Variants in TYW1B observed in about 807,000 individuals in gnomAD.
TYW1B encodes the protein S-adenosyl-L-methionine-dependent tRNA 4-demethylwyosine synthase TYW1B.
In TYW1B, 73 loss-of-function variants were observed where a neutral mutation model predicts 86.9. That is an observed-to-expected ratio of 0.84 (90% CI 0.70 to 1.02). TYW1B has a LOEUF of 1.02. TYW1B is among the 50% of genes least tolerant of loss of function. The pLI, the probability that TYW1B is intolerant of heterozygous loss-of-function variation, is 0.00. For synonymous variants in TYW1B, 248 were observed against 292.8 expected (o/e 0.85, Z 1.56); for missense variants, 637 against 827.4 (o/e 0.77, Z 2.82).
At chr7:72,681,801 G>C (rs1439930228) in intron 11 of TYW1B, among the ~76,000 whole-genome samples, 18 of 151,502 alleles carry the variant, frequency 1.2e-4, no homozygotes, top group Admixed American at 9.9e-4. Flanking sequence ...TAGCCAGGAT[G>C]GTCTCGACCT....
intron 6 of TYW1B, among the ~76,000 whole-genome samples, chr7:72,794,157 G>A (rs183521202): frequency 2.5e-4 from 38 of 152,296 alleles, no homozygotes; most frequent in African/African-American, 8.4e-4. Flanking sequence ...GGGCAAGGGA[G>A]ATCTCAGATC....
rs1554428274 is a variant in TYW1B, at chr7:72,575,449, T to C, written c.*49A>G. On this transcript the variant is annotated 3_prime_UTR_variant, in exon 14 of 14. Transcript: ENST00000620995. ...AATCAGAGTGGTGTTCAAGAACCTT[T>C]TGAGGCCATCCAAGTTTTTGTCCTT... 15 of 1,583,236 alleles carry C rather than the reference T, an allele frequency of 9.5e-6. No homozygotes were observed. The highest frequency in any genetic ancestry group is 1.3e-5 in the Non-Finnish European group (15 of 1,167,166).
intron 7 of TYW1B, 39 bp from the exon 8 acceptor site, chr7:72,744,640 T>A: frequency 6.2e-7 from 1 of 1,608,814 alleles, no homozygotes; most frequent in Non-Finnish European, 8.5e-7. Context: ...AATAAAATCG[T>A]CAAAGCACAG....
intron 7 of TYW1B, among the ~76,000 whole-genome samples, chr7:72,751,781 A>G (rs1211969764): frequency 6.6e-6 from 1 of 152,220 alleles, no homozygotes; most frequent in Non-Finnish European, 1.5e-5. Flanking sequence ...ATTTCAGTAC[A>G]TTATTTCAAT....
intron 10 of TYW1B, among the ~76,000 whole-genome samples, chr7:72,706,825 T>C (rs1401517512): frequency 1.3e-5 from 2 of 152,212 alleles, no homozygotes; most frequent in Non-Finnish European, 2.9e-5. Context: ...CCAGATTTTA[T>C]GTAAAACCTC....
At chr7:72,668,507 G>A (rs1346633036) in intron 11 of TYW1B, among the ~76,000 whole-genome samples, 2 of 150,878 alleles carry the variant, frequency 1.3e-5, no homozygotes, top group African/African-American at 2.4e-5. Context: ...TAACATGAAG[G>A]CCGAGAAAAC....
chr7:72,593,338 C>A (rs369542842), intron 13 of TYW1B, among the ~76,000 whole-genome samples: 14 of 151,358 alleles, frequency 9.2e-5, no homozygotes, highest in African/African-American at 2.9e-4. Flanking sequence ...TTGAAGGGCA[C>A]AATAAGCCAA....
At chr7:72,678,945 C>CA (rs1813805223) in intron 11 of TYW1B, among the ~76,000 whole-genome samples, 2 of 151,612 alleles carry the variant, frequency 1.3e-5, no homozygotes, top group Non-Finnish European at 2.9e-5. Context: ...GTTAAAGAAT[C>CA]AAAAAAATTA....
At chr7:72,591,982 C>T (rs868919671) in intron 13 of TYW1B, among the ~76,000 whole-genome samples, 21 of 151,702 alleles carry the variant, frequency 1.4e-4, no homozygotes, top group African/African-American at 4.8e-4. Context: ...CGCCACAATG[C>T]CTGGACAATT....
chr7:72,625,898 G>A (rs1463785283), intron 12 of TYW1B, among the ~76,000 whole-genome samples: 3 of 52,230 alleles, frequency 5.7e-5, no homozygotes, highest in African/African-American at 2.0e-4. Context: ...AGGTGGGGCG[G>A]GGGGGGGGGA....
At chr7:72,773,503 G>A (rs797026724) in intron 7 of TYW1B, among the ~76,000 whole-genome samples, 6 of 152,264 alleles carry the variant, frequency 3.9e-5, no homozygotes, top group African/African-American at 1.2e-4. Context: ...CGACCCAAGC[G>A]AAGCCCAGTG....
At chr7:72,664,957 A>G (rs2129569539) in intron 11 of TYW1B, among the ~76,000 whole-genome samples, 1 of 152,310 alleles carries the variant, frequency 6.6e-6, no homozygotes. Flanking sequence ...AATAGCTAAT[A>G]CAATGTAAAC....
intron 10 of TYW1B, among the ~76,000 whole-genome samples, chr7:72,707,003 G>A (rs1235218649): frequency 1.3e-5 from 2 of 152,194 alleles, no homozygotes; most frequent in Non-Finnish European, 2.9e-5. Context: ...AGTTTCTGAA[G>A]AATACTGAGC....
intron 13 of TYW1B, among the ~76,000 whole-genome samples, chr7:72,576,509 C>CTTTT (rs11334473): frequency 1.6e-4 from 19 of 120,090 alleles, no homozygotes; most frequent in Non-Finnish European, 2.2e-4. Context: ...ATGCCACTGT[C>CTTTT]TTTTTTTTTT....
chr7:72,796,266 T>TG (rs1452846655), intron 6 of TYW1B, among the ~76,000 whole-genome samples: 4 of 72,284 alleles, frequency 5.5e-5, no homozygotes, highest in Admixed American at 1.4e-4. Context: ...TTTTTTGAGA[T>TG]GGAGTCTCGC....
At position 72,810,516 on chromosome 7, in the gene TYW1B, C is replaced by G. The variant is rs782226058; in HGVS notation, c.387G>C (p.Ala129=). The change falls in exon 4 of 14, where the codon GCG becomes GCC. Residue 129 remains alanine, a synonymous_variant. Coordinates refer to ENST00000620995, the MANE Select transcript of TYW1B (RefSeq NM_001145440.3). ...GKTYLKGMRD[A]VFGLGNSAYA... ...AGGCAGAATTTCCCAGGCCAAATAC[C>G]GCATCTCTCATACCCTTCAGGTAAG... 1 of 1,613,838 alleles carries G rather than the reference C, an allele frequency of 6.2e-7. No individual in the cohort carries two copies.
intron 11 of TYW1B, among the ~76,000 whole-genome samples, chr7:72,688,106 C>A (rs1554449754): frequency 6.6e-6 from 1 of 152,048 alleles, no homozygotes; most frequent in Non-Finnish European, 1.5e-5. Flanking sequence ...GAAATATAGA[C>A]ACATATGTAT....
intron 6 of TYW1B, among the ~76,000 whole-genome samples, chr7:72,781,153 T>C (rs1788043117): frequency 6.6e-6 from 1 of 151,986 alleles, no homozygotes; most frequent in African/African-American, 2.4e-5. Context: ...AACCCCCAGG[T>C]TGTAGGTCAG....
intron 10 of TYW1B, among the ~76,000 whole-genome samples, chr7:72,699,869 T>TA (rs1814419603): frequency 6.6e-6 from 1 of 152,034 alleles, no homozygotes; most frequent in African/African-American, 2.4e-5. Flanking sequence ...AGGCTGGTCT[T>TA]AAACTCTTGG....
Sources: allele counts gnomAD v4.1 joint callset (sites outside exome capture counted in the v4.1 genomes callset), GRCh38; gene constraint gnomAD v4.1.1; transcripts MANE v1.5; gene names NCBI Gene and HGNC (gene_info 2026-07-23, HGNC 2026-07-21).